DLG2: variants seen among roughly 807,000 people sequenced by gnomAD.
DLG2 encodes disks large homolog 2.
Under a neutral mutation model 132.5 loss-of-function variants are expected in DLG2, and 45 were observed. The observed-to-expected ratio is 0.34, with a 90% confidence interval of 0.27 to 0.44. The LOEUF (loss-of-function observed/expected upper bound fraction) is 0.44. Ranked by LOEUF, DLG2 falls within the 20% of genes least tolerant of loss-of-function variation. The probability of loss-of-function intolerance (pLI) is 1.00; values close to 1 mark genes in which losing one functional copy is unlikely to be tolerated. For missense variants in DLG2, 1,045 were observed against 1,196.9 expected (o/e 0.87, Z 1.87); for synonymous variants, 424 against 419.6 (o/e 1.01, Z -0.13).
intron 6 of DLG2, among the ~76,000 whole-genome samples, chr11:84,875,040 A>G (rs2086121498): frequency 6.7e-6 from 1 of 149,828 alleles, no homozygotes; most frequent in African/African-American, 2.5e-5. Context: ...AAAAAAAAAG[A>G]GAAAGATTTA....
intron 6 of DLG2, among the ~76,000 whole-genome samples, chr11:85,002,010 AG>A (rs1383268733): frequency 6.6e-6 from 1 of 152,184 alleles, no homozygotes; most frequent in African/African-American, 2.4e-5. Context: ...GCCCCACCTG[AG>A]ACCAAGTAAT....
chr11:84,728,927 A>G (rs1356427928), intron 6 of DLG2, among the ~76,000 whole-genome samples: 2 of 152,076 alleles, frequency 1.3e-5, no homozygotes, highest in Non-Finnish European at 1.5e-5. Flanking sequence ...CTGTGGGATC[A>G]GTGAGGGTAG....
chr11:85,366,051 A>G (rs2084528948), intron 3 of DLG2, among the ~76,000 whole-genome samples: 1 of 152,206 alleles, frequency 6.6e-6, no homozygotes, highest in South Asian at 2.1e-4. Context: ...TGTTCTGCAC[A>G]TGTATCCCAG....
intron 6 of DLG2, among the ~76,000 whole-genome samples, chr11:84,681,016 C>T (rs1174681090): frequency 6.6e-6 from 1 of 152,268 alleles, no homozygotes. Context: ...CACTGGGATG[C>T]AGTGGCCAAC....
chr11:85,265,713 T>C (rs187375982), intron 4 of DLG2, among the ~76,000 whole-genome samples: 1 of 152,306 alleles, frequency 6.6e-6, no homozygotes, highest in East Asian at 1.9e-4. Context: ...TACCAATAGC[T>C]TGCTGCACCC....
At chr11:84,089,112 A>G (rs1444342929) in intron 10 of DLG2, among the ~76,000 whole-genome samples, 1 of 152,138 alleles carries the variant, frequency 6.6e-6, no homozygotes, top group Non-Finnish European at 1.5e-5. Flanking sequence ...ATGACAGTTC[A>G]GTATGGAGAG....
intron 15 of DLG2, among the ~76,000 whole-genome samples, chr11:83,910,437 T>C (rs1010742992): frequency 6.6e-6 from 1 of 152,136 alleles, no homozygotes; most frequent in African/African-American, 2.4e-5. Context: ...GAACATCAAA[T>C]GAACGGTCCT....
intron 7 of DLG2, among the ~76,000 whole-genome samples, chr11:84,511,618 G>C (rs1202413396): frequency 6.6e-6 from 1 of 151,836 alleles, no homozygotes; most frequent in Non-Finnish European, 1.5e-5. Context: ...ACAATATTAG[G>C]GCCTAAATAA....
At chr11:84,081,008 G>C (rs1036425035) in intron 10 of DLG2, among the ~76,000 whole-genome samples, 2 of 147,924 alleles carry the variant, frequency 1.4e-5, no homozygotes, top group African/African-American at 5.0e-5. Flanking sequence ...AAAAAAAAAA[G>C]GCATTTTTGC....
chr11:84,146,301 T>C (rs1212565191), intron 9 of DLG2, among the ~76,000 whole-genome samples: 1 of 152,320 alleles, frequency 6.6e-6, no homozygotes, highest in African/African-American at 2.4e-5. Flanking sequence ...AGAAAAGGTC[T>C]AAATAATAAT....
intron 3 of DLG2, among the ~76,000 whole-genome samples, chr11:85,535,726 T>A (rs1255523582): frequency 6.6e-6 from 1 of 152,118 alleles, no homozygotes; most frequent in Admixed American, 6.5e-5. Flanking sequence ...AATACGGGAA[T>A]AACCCAAATA....
intron 7 of DLG2, among the ~76,000 whole-genome samples, chr11:84,253,601 G>A (rs571618622): frequency 1.3e-5 from 2 of 152,062 alleles, no homozygotes; most frequent in Non-Finnish European, 2.9e-5. Context: ...TTAGATTGTG[G>A]TTCTAAAACA....
intron 5 of DLG2, among the ~76,000 whole-genome samples, chr11:85,124,524 AG>A (rs2074828448): frequency 6.6e-6 from 1 of 152,204 alleles, no homozygotes; most frequent in Non-Finnish European, 1.5e-5. Flanking sequence ...TTCAGACTTG[AG>A]AAAAATAAGG....
intron 8 of DLG2, among the ~76,000 whole-genome samples, chr11:84,233,373 T>C (rs1053403014): frequency 6.6e-6 from 1 of 152,086 alleles, no homozygotes; most frequent in Non-Finnish European, 1.5e-5. Context: ...TTTCTCCTAA[T>C]AAAGAGCAGC....
chr11:84,280,005 C>T (rs1053192287), intron 7 of DLG2, among the ~76,000 whole-genome samples: 7 of 152,084 alleles, frequency 4.6e-5, no homozygotes, highest in Non-Finnish European at 7.3e-5. Flanking sequence ...CACTTATATT[C>T]AACATTGTCG....
At chr11:85,553,044 A>G (rs1379260953) in intron 3 of DLG2, among the ~76,000 whole-genome samples, 2 of 151,788 alleles carry the variant, frequency 1.3e-5, no homozygotes, top group Non-Finnish European at 3.0e-5. Flanking sequence ...ATGCAACAGA[A>G]AAACAATTAC....
chr11:85,507,976 T>C (rs1055724969), intron 3 of DLG2, among the ~76,000 whole-genome samples: 4 of 152,046 alleles, frequency 2.6e-5, no homozygotes, highest in African/African-American at 9.7e-5. Flanking sequence ...TCACTTATAC[T>C]GTTTCTTTCA....
intron 3 of DLG2, among the ~76,000 whole-genome samples, chr11:85,449,327 G>C (rs1302762770): frequency 6.6e-6 from 1 of 151,882 alleles, no homozygotes; most frequent in Non-Finnish European, 1.5e-5. Flanking sequence ...TAATGTCCAT[G>C]TCTTTTAACC....
At chr11:85,614,901 T>C (rs1298842040) in intron 2 of DLG2, among the ~76,000 whole-genome samples, 1 of 152,222 alleles carries the variant, frequency 6.6e-6, no homozygotes, top group African/African-American at 2.4e-5. Flanking sequence ...CTGATCTATC[T>C]GCCACCAAAG....
Sources: gnomAD v4.1 joint callset for allele counts (sites outside exome capture counted in the v4.1 genomes callset) on GRCh38, gnomAD v4.1.1 for gene constraint, MANE v1.5 for transcripts, NCBI Gene and HGNC (gene_info 2026-07-23, HGNC 2026-07-21) for gene names.